Variants in SHISA7 observed in about 807,000 individuals in gnomAD.
SHISA7 encodes shisa family member 7, also known as protein shisa-7.
A neutral mutation model predicts 23.9 loss-of-function variants in SHISA7; 6 were observed. The observed-to-expected ratio is 0.25, with a 90% CI of 0.14 to 0.50. The LOEUF (loss-of-function observed/expected upper bound fraction) is 0.50. Among genes scored for constraint, SHISA7 ranks in the 20% least tolerant of loss-of-function variants. The probability of loss-of-function intolerance (pLI) is 0.98; values close to 1 mark genes in which losing one functional copy is unlikely to be tolerated. For missense variants in SHISA7, 671 were observed against 801.1 expected (o/e 0.84, Z 1.96); for synonymous variants, 386 against 398.3 (o/e 0.97, Z 0.37).
At chr19:55,440,924 CT>C in intron 1 of SHISA7, among the ~76,000 whole-genome samples, 159 bp from the exon 2 acceptor site, 1 of 152,126 alleles carries the variant, frequency 6.6e-6, no homozygotes, top group South Asian at 2.1e-4. Flanking sequence ...GCCACGCCCC[CT>C]AGAATGACCC....
At chr19:55,440,483 C>A (rs990501906) in intron 2 of SHISA7, 128 bp downstream of exon 2, 8 of 900,310 alleles carry the variant, frequency 8.9e-6, no homozygotes, top group Non-Finnish European at 1.2e-5. Flanking sequence ...CCCGGCAGTG[C>A]AAGGCGGGCG....
intron 3 of SHISA7, among the ~76,000 whole-genome samples, chr19:55,434,951 TGGTGTGTG>T (rs1176369660): frequency 7.8e-6 from 1 of 128,168 alleles, no homozygotes; most frequent in African/African-American, 3.1e-5. Flanking sequence ...GTATGGTGTG[TGGTGTGTG>T]GGTGTGTGTG....
chr19:55,442,774 C>G lies in SHISA7; in HGVS notation c.90G>C (p.Ala30=). ...RPSNATSAEP[A]GPLPALLAHL... is the part of the protein sequence containing the mutation. ...GCGCCAGCAGGGCGGGCAGCGGGCC[C>G]GCGGGCTCGGCGCTCGTGGCGTTGG... is the stretch of plus-strand genomic sequence containing the variant. Residue 30 remains alanine, a synonymous_variant, in exon 1 of 4, where the codon GCG becomes GCC. Coordinates refer to ENST00000376325, the MANE Select transcript of SHISA7 (RefSeq NM_001145176.2). 8.2e-7 allele frequency: 1 copy of G among 1,221,362 alleles called. No homozygotes were observed. Among genetic ancestry groups the G allele is most frequent in the East Asian group, 3.4e-5 (1 of 29,508 alleles). 75.7% of individuals were successfully genotyped at this position (1,221,362 alleles called of 1,614,324 possible). A position where few individuals can be genotyped will look rare whatever the true frequency, so the allele number is the denominator to read the frequency against.
At chr19:55,434,393 TTTGTGTGTG>T (rs1985310907) in intron 3 of SHISA7, among the ~76,000 whole-genome samples, 1 of 130,098 alleles carries the variant, frequency 7.7e-6, no homozygotes, top group Non-Finnish European at 1.6e-5. Flanking sequence ...GGGTGTGTGG[TTTGTGTGTG>T]GTGTGTGTGG....
intron 3 of SHISA7, among the ~76,000 whole-genome samples, chr19:55,435,783 A>T (rs1342461822): frequency 6.7e-6 from 1 of 149,624 alleles, no homozygotes; most frequent in Non-Finnish European, 1.5e-5. Context: ...AAAAAAAAGG[A>T]TCCACCAAAA....
chr19:55,429,738 T>A lies in SHISA7; in HGVS notation c.*3418A>T, dbSNP rs1405540751. ...TACAAAGAGAATTGAGGGAAGATTG[T>A]GCATTGGGTGCTGGGGACTTCCTGC... On this transcript the variant is annotated 3_prime_UTR_variant, in exon 4 of 4. Coordinates refer to ENST00000376325, the MANE Select transcript of SHISA7 (RefSeq NM_001145176.2). The A allele has an allele frequency of 6.6e-6, 1 of 152,072 alleles. No individual in the cohort carries two copies. Among genetic ancestry groups the A allele is most frequent in the East Asian group, 1.9e-4 (1 of 5,160 alleles). 9.4% of individuals were successfully genotyped at this position (152,072 alleles called of 1,614,324 possible). A position where few individuals can be genotyped will look rare whatever the true frequency, so the allele number is the denominator to read the frequency against.
intron 3 of SHISA7, among the ~76,000 whole-genome samples, chr19:55,434,414 G>A (rs1160214822): frequency 2.9e-5 from 4 of 137,494 alleles, no homozygotes; most frequent in Non-Finnish European, 4.8e-5. Flanking sequence ...TGTGTGTGGT[G>A]TGTGTGTATG....
chr19:55,438,115 C>T (rs1346973632), intron 2 of SHISA7, among the ~76,000 whole-genome samples: 1 of 144,814 alleles, frequency 6.9e-6, no homozygotes, highest in African/African-American at 2.6e-5. Context: ...CCAGGCTCAG[C>T]CCTCCTCCCT....
At position 55,435,092 on chromosome 19, in the gene SHISA7, GT is replaced by G. The variant is rs1380083243; in HGVS notation, c.977-1297del. 6.3e-4 allele frequency among the ~76,000 whole-genome samples: 35 copies of G among 55,986 alleles called. 1 individual carries two copies. Among genetic ancestry groups the G allele is most frequent in the East Asian group, 1.7e-3 (2 of 1,192 alleles). The allele number at this position is 55,986 out of a possible 152,430, so 36.7% of individuals were successfully genotyped here. A position where few individuals can be genotyped will look rare whatever the true frequency, so the allele number is the denominator to read the frequency against. On this transcript the variant is annotated intron_variant, in intron 3 of 3. Transcript: ENST00000376325. ...GTATGGTGTGTGTGGTGTGTGTGGT[GT>G]GTGTGTATGGTGTGTGTGTGGTGTG... is the stretch of plus-strand genomic sequence containing the variant.
At position 55,433,570 on chromosome 19, in the gene SHISA7, C is replaced by G; in HGVS notation, c.1203G>C (p.Thr401=). ...GDGGRSRYEF[T]LPRARLVSQE... ...GCGACACCAGGCGCGCGCGCGGCAG[C>G]GTGAACTCGTAGCGCGAACGGCCAC... Residue 401 remains threonine, a synonymous_variant, in exon 4 of 4, where the codon ACG becomes ACC. Coordinates refer to ENST00000376325, the MANE Select transcript of SHISA7 (RefSeq NM_001145176.2). This position sits in a 1 kb window ranked among gnomAD's most constrained non-coding sequence, Gnocchi z 8.4. 1 of 1,497,154 alleles carries G rather than the reference C, an allele frequency of 6.7e-7. No individual in the cohort carries two copies. The highest frequency in any genetic ancestry group is 8.9e-7 in the Non-Finnish European group (1 of 1,129,476). 92.7% of individuals were successfully genotyped at this position (1,497,154 alleles called of 1,614,324 possible).
rs1280184239 is a variant in SHISA7, at chr19:55,433,191, G to C, written c.1582C>G (p.Leu528Val). Residue 528 changes from leucine to valine, a missense_variant, in exon 4 of 4, where the codon CTG becomes GTG. By Grantham distance (32) the Leu-to-Val change is conservative. Transcript: ENST00000376325. The surrounding 1 kb of genome is among the most constrained non-coding windows in gnomAD (Gnocchi z 8.4). ...FIPGHHLPQHLRTASKNEVTV is the reference protein window; with the variant it reads ...FIPGHHLPQHVRTASKNEVTV ...ACCTCGTTCTTGCTGGCCGTGCGCAGGTGCTGGGGCAGGTGGTGGCCCGGG... is the reference window on the plus strand; with the variant it reads ...ACCTCGTTCTTGCTGGCCGTGCGCACGTGCTGGGGCAGGTGGTGGCCCGGG... The C allele has an allele frequency of 1.3e-6, 2 of 1,529,368 alleles. No homozygotes were observed. Among genetic ancestry groups the C allele is most frequent in the Admixed American group, 2.0e-5 (1 of 50,648 alleles). The allele number at this position is 1,529,368 out of a possible 1,614,324, so 94.7% of individuals were successfully genotyped here. A position where few individuals can be genotyped will look rare whatever the true frequency, so the allele number is the denominator to read the frequency against.
rs549280083 is a variant in SHISA7 at position 55,437,664 on chromosome 19, G to C, written c.917C>G (p.Pro306Arg). Reference sequence around the variant, plus strand: ...GGATTTCACGGCAGCCTCGTAGGACGGGGGCAGATGCGAGAGGTTGTGGAA... The same window carrying C: ...GGATTTCACGGCAGCCTCGTAGGACCGGGGCAGATGCGAGAGGTTGTGGAA... ...RSFHNLSHLP[P>R]SYEAAVKSEL... The change falls in exon 3 of 4, where the codon CCG becomes CGG. Residue 306 changes from proline to arginine, a missense_variant. Around this residue, in one of 5 missense-constraint regions of SHISA7, gnomAD observed 457 missense variants for 488.3 expected, o/e 0.94. Transcript: ENST00000376325. 2 of 1,551,586 alleles carry C rather than the reference G, an allele frequency of 1.3e-6. No homozygotes were observed. Among genetic ancestry groups the C allele is most frequent in the Non-Finnish European group, 1.7e-6 (2 of 1,146,962 alleles).
chr19:55,437,185 T>G (rs1051511204), intron 3 of SHISA7, among the ~76,000 whole-genome samples: 7 of 152,034 alleles, frequency 4.6e-5, no homozygotes, highest in African/African-American at 1.7e-4. Context: ...GGGTGGTCGT[T>G]GCCACCACGA....
chr19:55,440,806 G>C, intron 1 of SHISA7, 41 bp from the exon 2 acceptor site: 1 of 1,235,296 alleles, frequency 8.1e-7, no homozygotes, highest in African/African-American at 1.5e-5. Flanking sequence ...TGGGGGCTGA[G>C]GGTGGCAGGG....
chr19:55,434,493 A>G (rs1230026619), intron 3 of SHISA7, among the ~76,000 whole-genome samples: 7 of 57,490 alleles, frequency 1.2e-4, no homozygotes, highest in East Asian at 6.1e-4. Context: ...TGTGTGGTGT[A>G]TATGTGGTGT....
chr19:55,437,593 G>GC lies in SHISA7; in HGVS notation c.976+11dup, dbSNP rs1234178024. 3.2e-6 allele frequency: 5 copies of GC among 1,549,818 alleles called. No individual in the cohort carries two copies. In the African/African-American group the frequency reaches 6.9e-5, roughly 21 times the overall value. ...TCCCCTTCACCGCCGCGCTGCCCTTGCCAGGACTCACCCAGCCTCTTGAGG... is the reference window on the plus strand; with the variant it reads ...TCCCCTTCACCGCCGCGCTGCCCTTGCCCAGGACTCACCCAGCCTCTTGAGG... On this transcript the variant is annotated intron_variant, in intron 3 of 3. Transcript: ENST00000376325.
Position 55,433,728 on chromosome 19 carries a change from G to C in SHISA7, c.1045C>G (p.Leu349Val), listed in dbSNP as rs1486749573. ...PLELPRGTLP[L>V]HALRRPGTGG... ...GTGCCCGGCCGCCGCAGCGCGTGCA[G>C]GGGCAGCGTGCCGCGGGGCAATTCC... Residue 349 changes from leucine (L) to valine (V), a missense_variant, in exon 4 of 4, where the codon CTG becomes GTG. By Grantham distance (32) the Leu-to-Val change is conservative. Around this residue, in one of 5 missense-constraint regions of SHISA7, gnomAD observed 457 missense variants for 488.3 expected, o/e 0.94. Coordinates refer to ENST00000376325, the MANE Select transcript of SHISA7 (RefSeq NM_001145176.2). This position sits in a 1 kb window ranked among gnomAD's most constrained non-coding sequence, Gnocchi z 8.4. 1 of 1,470,074 alleles carries C rather than the reference G, an allele frequency of 6.8e-7. No individual in the cohort carries two copies. The highest frequency in any genetic ancestry group is 8.9e-7 in the Non-Finnish European group (1 of 1,119,230). The allele number at this position is 1,470,074 out of a possible 1,614,324, so 91.1% of individuals were successfully genotyped here. A position where few individuals can be genotyped will look rare whatever the true frequency, so the allele number is the denominator to read the frequency against.
Position 55,433,794 on chromosome 19 carries a change from C to A in SHISA7, c.979G>T (p.Glu327Ter). 1 of 1,404,898 alleles carries A rather than the reference C, an allele frequency of 7.1e-7. No homozygotes were observed. The highest frequency in any genetic ancestry group is 9.2e-7 in the Non-Finnish European group (1 of 1,088,790). 87.0% of individuals were successfully genotyped at this position (1,404,898 alleles called of 1,614,324 possible). The change falls in exon 4 of 4, where the codon GAG (glutamate) becomes TAG (stop). Residue 327 changes from glutamate to a stop codon, truncating the protein, a stop_gained and splice_region_variant. Transcript: ENST00000376325. LOFTEE classifies it low-confidence loss of function (END_TRUNC). The surrounding 1 kb of genome is among the most constrained non-coding windows in gnomAD (Gnocchi z 8.4). ...AGGTAGGCCTCGTCCAGATCCTTCT[C>A]GGCTGCGGGGAGAGGGGGAAAAGCC... ...NRYSSLKRLAEKDLDEAYLKR... is the reference protein window; with the variant it reads ...NRYSSLKRLA
Position 55,433,171 on chromosome 19 carries a change from G to A in SHISA7, c.1602C>T (p.Asn534=), listed in dbSNP as rs773634928. The change falls in exon 4 of 4, where the codon AAC becomes AAT. Residue 534 remains asparagine (N), a synonymous_variant. Coordinates refer to ENST00000376325, the MANE Select transcript of SHISA7 (RefSeq NM_001145176.2). This position sits in a 1 kb window ranked among gnomAD's most constrained non-coding sequence, Gnocchi z 8.4. ...GGCCCTGGCCTCAGACAGTCACCTC[G>A]TTCTTGCTGGCCGTGCGCAGGTGCT... ...LPQHLRTASK[N]EVTV 3.6e-5 allele frequency: 55 copies of A among 1,522,768 alleles called. No individual in the cohort carries two copies. In the African/African-American group the frequency reaches 5.4e-4, roughly 15 times the overall value. 94.3% of individuals were successfully genotyped at this position (1,522,768 alleles called of 1,614,324 possible). A position where few individuals can be genotyped will look rare whatever the true frequency, so the allele number is the denominator to read the frequency against.
Sources: allele counts gnomAD v4.1 joint callset (sites outside exome capture counted in the v4.1 genomes callset), GRCh38; gene constraint gnomAD v4.1.1; regional missense constraint gnomAD v4.1.1; non-coding constraint Gnocchi (gnomAD v3.1); transcripts MANE v1.5; gene names NCBI Gene and HGNC (gene_info 2026-07-23, HGNC 2026-07-21).